NACC2: variants seen among roughly 807,000 people sequenced by gnomAD.
NACC2 encodes nucleus accumbens-associated protein 2.
In NACC2, 8 loss-of-function variants were observed where a neutral mutation model predicts 25.1. The ratio of observed to expected loss-of-function variants is 0.32; its 90% CI spans 0.19 to 0.57. NACC2 has a LOEUF of 0.57. NACC2 is among the 20% of genes least tolerant of loss of function. The probability of loss-of-function intolerance (pLI) is 0.89; values close to 1 mark genes in which losing one functional copy is unlikely to be tolerated. For missense variants in NACC2, 644 were observed against 650.2 expected, an observed-to-expected ratio of 0.99 and a Z score of 0.10; for synonymous variants, 435 against 294.7, an observed-to-expected ratio of 1.48 and a Z score of -4.88.
intron 2 of NACC2, among the ~76,000 whole-genome samples, chr9:136,043,852 G>A (rs905882528): frequency 2.6e-5 from 4 of 152,106 alleles, no homozygotes; most frequent in Non-Finnish European, 4.4e-5. Context: ...TTGGGGACAG[G>A]GTCTCGCTCT....
intron 1 of NACC2, among the ~76,000 whole-genome samples, chr9:136,093,634 CA>C (rs1196069294): frequency 6.6e-6 from 1 of 152,256 alleles, no homozygotes; most frequent in East Asian, 1.9e-4. Flanking sequence ...AGGGGGCCAC[CA>C]CCTTGGGTGG....
chr9:136,033,246 G>A (rs1368542512), intron 2 of NACC2, among the ~76,000 whole-genome samples: 1 of 152,120 alleles, frequency 6.6e-6, no homozygotes, highest in Non-Finnish European at 1.5e-5. Flanking sequence ...GTAAATCAGT[G>A]AGTTAGCAAG....
In NACC2 at chr9:136,009,843, AG is replaced by A. The variant is rs3841030; in HGVS notation, c.*1672del. The A allele has an allele frequency of 0.4, 61,223 of 151,876 alleles. 12,701 individuals carry two copies. The highest frequency in any genetic ancestry group is 0.48 in the Middle Eastern group (142 of 294). 9.4% of individuals were successfully genotyped at this position (151,876 alleles called of 1,614,324 possible). ...GCTCACTGGCCTGTGTGCACACCGG[AG>A]GGGGTGCTGATGGGCGCAGGGCTGC... is the stretch of plus-strand genomic sequence containing the variant. On this transcript the variant is annotated 3_prime_UTR_variant, in exon 6 of 6. Transcript: ENST00000277554.
At chr9:136,091,956 C>A (rs1830437733) in intron 1 of NACC2, among the ~76,000 whole-genome samples, 2 of 152,242 alleles carry the variant, frequency 1.3e-5, no homozygotes, top group African/African-American at 4.8e-5. Flanking sequence ...GCTCCCCGGC[C>A]CCCACAGCCA....
intron 5 of NACC2, among the ~76,000 whole-genome samples, chr9:136,012,985 C>G (rs1840135028): frequency 6.6e-6 from 1 of 152,270 alleles, no homozygotes; most frequent in Admixed American, 6.5e-5. Context: ...ATTCATCACA[C>G]TTGGAAACCT....
rs776204107 is a variant in NACC2 at position 136,011,838 on chromosome 9, G to C, written c.1442C>G (p.Pro481Arg). Residue 481 changes from proline (P) to arginine (R), a missense_variant, in exon 6 of 6, where the codon CCC becomes CGC. Coordinates refer to ENST00000277554, the MANE Select transcript of NACC2 (RefSeq NM_144653.5). ...GSAAASVPLD[P>R]EFPPAAAQVF... ...CTGTGCCGCGGCAGGCGGGAACTCG[G>C]GGTCGAGGGGCACGCTGGCGGCGGC... 3.8e-6 allele frequency: 6 copies of C among 1,565,422 alleles called. No homozygotes were observed. The Admixed American group carries it at 5.5e-5, about 14-fold the overall frequency.
intron 2 of NACC2, among the ~76,000 whole-genome samples, chr9:136,021,912 A>G (rs1251828002): frequency 6.6e-6 from 1 of 152,236 alleles, no homozygotes; most frequent in Non-Finnish European, 1.5e-5. Flanking sequence ...ACAGAGAATC[A>G]TTTCCATTGT....
intron 1 of NACC2, among the ~76,000 whole-genome samples, chr9:136,074,020 T>TC (rs1830228657): frequency 1.3e-5 from 2 of 152,008 alleles, no homozygotes; most frequent in South Asian, 4.2e-4. Flanking sequence ...AAAATTAAGA[T>TC]CTTGGCCGGG....
Position 136,011,930 on chromosome 9 carries a change from G to A in NACC2, c.1350C>T (p.Arg450=), listed in dbSNP as rs766335400. The change falls in exon 6 of 6, where the codon CGC becomes CGT. Residue 450 remains arginine (R), a synonymous_variant. Coordinates refer to ENST00000277554, the MANE Select transcript of NACC2 (RefSeq NM_144653.5). ...MCTNARRVRK[R]WLPKIKSMLP... is the part of the protein sequence containing the mutation. The stretch of plus-strand genomic sequence containing the variant: ...GCATGGACTTGATCTTGGGCAGCCA[G>A]CGCTTGCGAACGCGGCGGGCGTTGG... 6.2e-7 allele frequency: 1 copy of A among 1,600,620 alleles called. No homozygotes were observed. The highest frequency in any genetic ancestry group is 1.1e-5 in the South Asian group (1 of 89,546).
At position 136,045,562 on chromosome 9, in the gene NACC2, C is replaced by A. The variant is rs1003767913; in HGVS notation, c.886+4074G>T. Among the ~76,000 whole-genome samples, 98 of 152,338 alleles carry A rather than the reference C, an allele frequency of 6.4e-4. 1 individual carries two copies. The highest frequency in any genetic ancestry group is 3.4e-3 in the Middle Eastern group (1 of 294). On this transcript the variant is annotated intron_variant, in intron 2 of 5. Transcript: ENST00000277554. Reference sequence around the variant, plus strand: ...ATGGCCGGGCGAGCCCCATCAGGCACAGGAGGGGGTGTGGGCGCAGGTCCG... The same window carrying A: ...ATGGCCGGGCGAGCCCCATCAGGCAAAGGAGGGGGTGTGGGCGCAGGTCCG...
intron 1 of NACC2, among the ~76,000 whole-genome samples, chr9:136,090,926 C>T (rs1319486387): frequency 1.3e-5 from 2 of 152,188 alleles, no homozygotes; most frequent in African/African-American, 4.8e-5. Flanking sequence ...CTGTTCCCCG[C>T]CCCCAGCCCT....
chr9:136,058,857 C>G (rs1053211472), intron 1 of NACC2, among the ~76,000 whole-genome samples: 9 of 152,266 alleles, frequency 5.9e-5, no homozygotes, highest in African/African-American at 2.2e-4. Flanking sequence ...TGGCAGAGCT[C>G]AAGCCATGGA....
At chr9:136,087,533 G>A (rs1042672595) in intron 1 of NACC2, among the ~76,000 whole-genome samples, 5 of 152,202 alleles carry the variant, frequency 3.3e-5, no homozygotes, top group African/African-American at 9.6e-5. Context: ...CGCAGGGCCC[G>A]GCTGGGGAAG....
chr9:136,032,753 C>T (rs1840492803), intron 2 of NACC2, among the ~76,000 whole-genome samples: 1 of 152,112 alleles, frequency 6.6e-6, no homozygotes, highest in African/African-American at 2.4e-5. Context: ...AAAAATTAGT[C>T]TGGGCATGGT....
intron 1 of NACC2, among the ~76,000 whole-genome samples, chr9:136,087,555 T>C (rs2131190688): frequency 6.6e-6 from 1 of 152,300 alleles, no homozygotes; most frequent in East Asian, 1.9e-4. Context: ...GCCCCGCAGC[T>C]TCTGGGGCCG....
In NACC2 at chr9:136,089,675, G is replaced by A. The variant is rs144810746; in HGVS notation, c.-60+5514C>T. Among the ~76,000 whole-genome samples, 79 of 151,592 alleles carry A rather than the reference G, an allele frequency of 5.2e-4. 1 individual carries two copies. In the East Asian group the frequency reaches 0.013, roughly 24 times the overall value. ...GTGACCCCTGTCCCCATTCAGAATG[G>A]GGGACCCCAGCCCCAACAGAGTGAG... On this transcript the variant is annotated intron_variant, in intron 1 of 5. Transcript: ENST00000277554.
intron 5 of NACC2, among the ~76,000 whole-genome samples, chr9:136,012,403 C>A (rs1410990081): frequency 2.6e-5 from 4 of 152,386 alleles, no homozygotes; most frequent in Admixed American, 1.3e-4. Flanking sequence ...CCAGTCCCAG[C>A]CTGGAGGAGG....
chr9:136,050,315 C>T lies in NACC2; in HGVS notation c.207G>A (p.Leu69=), dbSNP rs1840802217. 4.1e-6 allele frequency: 3 copies of T among 740,136 alleles called. No individual in the cohort carries two copies. Among genetic ancestry groups the T allele is most frequent in the Non-Finnish European group, 7.5e-6 (3 of 402,408 alleles). 45.8% of individuals were successfully genotyped at this position (740,136 alleles called of 1,614,324 possible). The change falls in exon 2 of 6, where the codon CTG becomes CTA. Residue 69 remains leucine (L), a synonymous_variant. Coordinates refer to ENST00000277554, the MANE Select transcript of NACC2 (RefSeq NM_144653.5). Reference sequence around the variant, plus strand: ...AGCAGGCGGGCGGCACGGAGCCGGGCAGCTCGAAGGCGCTCTTGCTGTTGC... The same window carrying T: ...AGCAGGCGGGCGGCACGGAGCCGGGTAGCTCGAAGGCGCTCTTGCTGTTGC... ...FSGNSKSAFE[L]PGSVPPACFQ...
intron 2 of NACC2, among the ~76,000 whole-genome samples, chr9:136,040,443 A>C (rs1840611309): frequency 6.6e-6 from 1 of 152,226 alleles, no homozygotes; most frequent in South Asian, 2.1e-4. Context: ...AATTAAAATA[A>C]AATAGGAGAA....
Sources: gnomAD v4.1 joint callset for allele counts (sites outside exome capture counted in the v4.1 genomes callset) on GRCh38, gnomAD v4.1.1 for gene constraint, MANE v1.5 for transcripts, NCBI Gene and HGNC (gene_info 2026-07-23, HGNC 2026-07-21) for gene names.